Variants in UBASH3A observed in about 807,000 individuals in gnomAD.
UBASH3A encodes ubiquitin associated and SH3 domain containing A.
In UBASH3A, 63 loss-of-function variants were observed where a neutral mutation model predicts 73.5. That is an observed-to-expected ratio of 0.86 (90% confidence interval 0.70 to 1.06). The LOEUF (loss-of-function observed/expected upper bound fraction) is 1.06, where lower values mean the gene tolerates loss of function less well. Ranked by LOEUF, UBASH3A falls within the 50% of genes least tolerant of loss-of-function variation. UBASH3A has a pLI of 0.00. For missense variants in UBASH3A, 860 were observed against 859.0 expected (o/e 1.00, Z -0.02); for synonymous variants, 363 against 351.1 (o/e 1.03, Z -0.38).
At position 42,431,989 on chromosome 21, in the gene UBASH3A, C is replaced by T. The variant is rs1050379811; in HGVS notation, c.1171-114C>T. On this transcript the variant is annotated intron_variant, in intron 8 of 14. Transcript: ENST00000319294. The stretch of plus-strand genomic sequence containing the variant: ...CAAAATGGGCTGAGCTATTGACTAA[C>T]GAAGGAAAAGATTCCCTCGCAGTTG... 271 of 651,210 alleles carry T rather than the reference C, an allele frequency of 4.2e-4. 1 individual carries two copies. The highest frequency in any genetic ancestry group is 1.5e-3 in the Middle Eastern group (4 of 2,630). The allele number at this position is 651,210 out of a possible 1,614,324, so 40.3% of individuals were successfully genotyped here. A position where few individuals can be genotyped will look rare whatever the true frequency, so the allele number is the denominator to read the frequency against.
chr21:42,410,343 C>T lies in UBASH3A; in HGVS notation c.354+735C>T, dbSNP rs1601558018. On this transcript the variant is annotated intron_variant, in intron 3 of 14. Coordinates refer to ENST00000319294, the MANE Select transcript of UBASH3A (RefSeq NM_018961.4). ...CACTTCTGCTACCGCGGCCTGGCCC[C>T]AACTCTGCTGTTGGCAAACTGATTT... The T allele has an allele frequency of 2.0e-5, 12 of 590,614 alleles. No homozygotes were observed. In the East Asian group the frequency reaches 3.1e-4, roughly 15 times the overall value. The allele number at this position is 590,614 out of a possible 1,614,324, so 36.6% of individuals were successfully genotyped here. A position where few individuals can be genotyped will look rare whatever the true frequency, so the allele number is the denominator to read the frequency against.
intron 1 of UBASH3A, among the ~76,000 whole-genome samples, chr21:42,404,823 T>C (rs1320465414): frequency 6.6e-6 from 1 of 152,150 alleles, no homozygotes; most frequent in African/African-American, 2.4e-5. Context: ...AGCGCGACCC[T>C]GCTTACCCAA....
At position 42,434,879 on chromosome 21, in the gene UBASH3A, C is replaced by T. The variant is rs140316876; in HGVS notation, c.1318C>T (p.Arg440Trp). The T allele has an allele frequency of 9.3e-5, 150 of 1,614,076 alleles. No individual in the cohort carries two copies. The highest frequency in any genetic ancestry group is 4.2e-4 in the Admixed American group (25 of 60,006). The change falls in exon 10 of 15, where the codon CGG becomes TGG. Residue 440 changes from arginine (R) to tryptophan (W), a missense_variant. Physicochemically the swap from Arg to Trp is moderately radical, Grantham distance 101. Coordinates refer to ENST00000319294, the MANE Select transcript of UBASH3A (RefSeq NM_018961.4). ...DLNFPCSLPR[R>W]SRGIKDFEND... ...GAATTTCCCCTGCAGTCTGCCAAGACGGAGTCGTGGGATCAAAGACTTTGA... is the reference window on the plus strand; with the variant it reads ...GAATTTCCCCTGCAGTCTGCCAAGATGGAGTCGTGGGATCAAAGACTTTGA...
At chr21:42,417,220 C>T (rs377535142) in intron 6 of UBASH3A, among the ~76,000 whole-genome samples, 8 of 151,710 alleles carry the variant, frequency 5.3e-5, no homozygotes, top group Admixed American at 2.6e-4. Flanking sequence ...GTCAGGTGTT[C>T]GAGACCAGCC....
intron 11 of UBASH3A, among the ~76,000 whole-genome samples, chr21:42,438,813 G>A (rs1485160579): frequency 6.6e-6 from 1 of 152,100 alleles, no homozygotes; most frequent in Non-Finnish European, 1.5e-5. Flanking sequence ...AGAATGACAA[G>A]TCCCAGGTGG....
chr21:42,436,628 T>C lies in UBASH3A; in HGVS notation c.1394-860T>C, dbSNP rs73905660. On this transcript the variant is annotated intron_variant, in intron 10 of 14. Transcript: ENST00000319294. ...GAGTCACATTCTAAGGCACCAAGGG[T>C]GAGGACTCTAACATGTTTTTCAAGG... Among the ~76,000 whole-genome samples, 1,445 of 152,224 alleles carry C rather than the reference T, an allele frequency of 9.5e-3. 24 individuals are homozygous for C. Among genetic ancestry groups the C allele is most frequent in the African/African-American group, 0.033 (1,373 of 41,538 alleles).
Position 42,443,398 on chromosome 21 carries a change from T to C in UBASH3A, c.1718T>C (p.Val573Ala), listed in dbSNP as rs577761698. 1 of 1,611,542 alleles carries C rather than the reference T, an allele frequency of 6.2e-7. No homozygotes were observed. The highest frequency in any genetic ancestry group is 2.2e-5 in the East Asian group (1 of 44,742). The change falls in exon 13 of 15, where the codon GTC (valine) becomes GCC (alanine). Residue 573 changes from valine (V) to alanine (A), a missense_variant. Physicochemically the swap from Val to Ala is moderately conservative, Grantham distance 64 (BLOSUM62 0). Transcript: ENST00000319294. ...DRCTASMVQIVNTCPQDTGVI... is the reference protein window; with the variant it reads ...DRCTASMVQIANTCPQDTGVI... ...TGCACGGCGAGCATGGTGCAAATCG[T>C]CAACACCTGTCCACAGGACAGTAAG...
At chr21:42,416,937 G>T (rs2053224308) in intron 6 of UBASH3A, among the ~76,000 whole-genome samples, 4 of 150,918 alleles carry the variant, frequency 2.7e-5, no homozygotes, top group African/African-American at 9.8e-5. Flanking sequence ...CTCAAAAAAA[G>T]AAGCAGATGA....
At chr21:42,435,945 T>C (rs1385679609) in intron 10 of UBASH3A, among the ~76,000 whole-genome samples, 1 of 149,308 alleles carries the variant, frequency 6.7e-6, no homozygotes, top group Non-Finnish European at 1.5e-5. Flanking sequence ...AGTTATAGAG[T>C]TAGTTATAGA....
At position 42,406,391 on chromosome 21, in the gene UBASH3A, G is replaced by A. The variant is rs372003754; in HGVS notation, c.167+30G>A. The A allele has an allele frequency of 1.9e-6, 3 of 1,597,204 alleles. No homozygotes were observed. The African/African-American group carries it at 4.0e-5, about 21-fold the overall frequency. On this transcript the variant is annotated intron_variant, in intron 2 of 14. Transcript: ENST00000319294. ...GTGCAGCTGCTTCTGTAGACCCAGGGGCGTTTGGGCTGAATTCCCTGTGCC... is the reference window on the plus strand; with the variant it reads ...GTGCAGCTGCTTCTGTAGACCCAGGAGCGTTTGGGCTGAATTCCCTGTGCC...
intron 2 of UBASH3A, among the ~76,000 whole-genome samples, chr21:42,407,297 G>A (rs1480790034): frequency 1.3e-5 from 2 of 152,202 alleles, no homozygotes; most frequent in African/African-American, 4.8e-5. Flanking sequence ...TCCAAAGCAG[G>A]AGGGCAGATA....
intron 3 of UBASH3A, 41 bp downstream of exon 3, chr21:42,409,649 G>A (rs11702374): frequency 0.44 from 692,273 of 1,568,100 alleles, 155,420 homozygotes; most frequent in African/African-American, 0.52. Flanking sequence ...ACGGCAGCTG[G>A]AGGCATTTTT....
chr21:42,430,068 C>T (rs117670713), intron 8 of UBASH3A, among the ~76,000 whole-genome samples: 1,766 of 152,264 alleles, frequency 0.012, 19 homozygotes, highest in Middle Eastern at 0.034. Flanking sequence ...AGGAGCTGCC[C>T]GTGGTGCTGA....
chr21:42,431,836 T>C (rs575739822), intron 8 of UBASH3A, among the ~76,000 whole-genome samples: 3 of 152,310 alleles, frequency 2.0e-5, no homozygotes, highest in African/African-American at 7.2e-5. Flanking sequence ...GAAAAACGGA[T>C]GTGTCATGAT....
At chr21:42,418,673 C>T in intron 7 of UBASH3A, 64 bp downstream of exon 7, 1 of 1,467,950 alleles carries the variant, frequency 6.8e-7, no homozygotes, top group Non-Finnish European at 9.4e-7. Context: ...AGAGTGCCCA[C>T]CTGCCAACAG....
chr21:42,408,697 A>G (rs1437856692), intron 2 of UBASH3A, among the ~76,000 whole-genome samples: 1 of 151,998 alleles, frequency 6.6e-6, no homozygotes, highest in Non-Finnish European at 1.5e-5. Flanking sequence ...ATTGTTAGTG[A>G]CAATGAACTC....
At chr21:42,437,619 A>G in intron 11 of UBASH3A, 39 bp downstream of exon 11, 1 of 1,567,696 alleles carries the variant, frequency 6.4e-7, no homozygotes, top group Admixed American at 1.7e-5. Flanking sequence ...TACTGCCTTG[A>G]CCTTGGGGCT....
intron 7 of UBASH3A, among the ~76,000 whole-genome samples, chr21:42,423,141 G>A (rs1005234883): frequency 3.9e-5 from 6 of 152,198 alleles, no homozygotes; most frequent in Non-Finnish European, 8.8e-5. Flanking sequence ...ATACCATGGC[G>A]TGCGCTGTGA....
At chr21:42,417,870 CTTTTTTTCTTTTTTTTTT>C (rs928038030) in intron 6 of UBASH3A, among the ~76,000 whole-genome samples, 3 of 119,528 alleles carry the variant, frequency 2.5e-5, no homozygotes, top group Admixed American at 8.4e-5. Flanking sequence ...TTTTTTTTTT[CTTTTTTTCTTTTTTTTTT>C]TTTTTTTTTT....
Sources: gnomAD v4.1 joint callset for allele counts (sites outside exome capture counted in the v4.1 genomes callset) on GRCh38, gnomAD v4.1.1 for gene constraint, MANE v1.5 for transcripts, NCBI Gene and HGNC (gene_info 2026-07-23, HGNC 2026-07-21) for gene names.